The following GPC5 variants were observed in gnomAD, a reference collection of about 807,000 sequenced individuals.
GPC5 encodes the protein glypican-5.
In GPC5, 47 loss-of-function variants were observed where a neutral mutation model predicts 53.9. The ratio of observed to expected loss-of-function variants is 0.87; its 90% CI spans 0.69 to 1.11. The LOEUF is 1.11. Among genes scored for constraint, GPC5 ranks in the 50% most tolerant of loss-of-function variants. The pLI, the probability that GPC5 is intolerant of heterozygous loss-of-function variation, is 0.00. For synonymous variants in GPC5, 286 were observed against 263.3 expected, an observed-to-expected ratio of 1.09 and a Z score of -0.84; for missense variants, 748 against 713.1, an observed-to-expected ratio of 1.05 and a Z score of -0.56.
intron 2 of GPC5, among the ~76,000 whole-genome samples, chr13:91,539,474 G>A (rs116337925): frequency 0.023 from 3,518 of 152,256 alleles, 121 homozygotes; most frequent in African/African-American, 0.078. Flanking sequence ...TACCTCAGTA[G>A]CTGTAGGCCT....
chr13:91,837,866 G>T lies in GPC5; in HGVS notation c.1281-70071G>T, dbSNP rs2038739622. 2.0e-5 allele frequency among the ~76,000 whole-genome samples: 3 copies of T among 152,112 alleles called. No individual in the cohort carries two copies. The South Asian group carries it at 6.2e-4, about 31-fold the overall frequency. ...GAGAGGTAAAGCCATGAATTTGGATGTCATGGTGATTGGTAAAAAATGACA... is the reference window on the plus strand; with the variant it reads ...GAGAGGTAAAGCCATGAATTTGGATTTCATGGTGATTGGTAAAAAATGACA... On this transcript the variant is annotated intron_variant, in intron 5 of 7. Transcript: ENST00000377067.
At chr13:91,825,820 A>C (rs770138517) in intron 5 of GPC5, among the ~76,000 whole-genome samples, 3 of 152,078 alleles carry the variant, frequency 2.0e-5, no homozygotes, top group Non-Finnish European at 2.9e-5. Context: ...AGAGGAATTT[A>C]ATAAAGGAGG....
intron 7 of GPC5, among the ~76,000 whole-genome samples, chr13:92,518,877 G>A (rs546740347): frequency 5.3e-5 from 8 of 152,224 alleles, no homozygotes; most frequent in African/African-American, 1.9e-4. Flanking sequence ...CTGTATTCAG[G>A]AGACCCATCT....
chr13:92,487,409 A>G (rs544139704), intron 7 of GPC5, among the ~76,000 whole-genome samples: 78 of 152,252 alleles, frequency 5.1e-4, no homozygotes, highest in African/African-American at 1.8e-3. Context: ...TGCTGTTCTT[A>G]GTTGTGTCTA....
intron 7 of GPC5, among the ~76,000 whole-genome samples, chr13:92,838,640 C>T (rs985276906): frequency 2.6e-5 from 4 of 151,816 alleles, no homozygotes; most frequent in Admixed American, 2.6e-4. Context: ...CTAAATGGAC[C>T]CACAGATGAT....
chr13:92,027,758 T>C (rs914316365), intron 6 of GPC5, among the ~76,000 whole-genome samples: 1 of 152,102 alleles, frequency 6.6e-6, no homozygotes, highest in African/African-American at 2.4e-5. Context: ...CTTAACAACA[T>C]AATAGATGAA....
At chr13:92,022,914 T>G (rs1316129242) in intron 6 of GPC5, among the ~76,000 whole-genome samples, 1 of 152,036 alleles carries the variant, frequency 6.6e-6, no homozygotes, top group Admixed American at 6.6e-5. Flanking sequence ...AGAGGAATGC[T>G]CTGTTTCAAT....
chr13:91,674,470 TACAC>T (rs1303361295), intron 2 of GPC5, among the ~76,000 whole-genome samples: 2 of 149,928 alleles, frequency 1.3e-5, no homozygotes, highest in Admixed American at 1.3e-4. Flanking sequence ...CACGCACATA[TACAC>T]ACACACGCGC....
intron 5 of GPC5, among the ~76,000 whole-genome samples, chr13:91,786,352 C>T (rs537671707): frequency 1.3e-5 from 2 of 152,272 alleles, no homozygotes; most frequent in South Asian, 4.1e-4. Flanking sequence ...CTAACAAGTC[C>T]TGCATTACTT....
chr13:92,200,704 C>G (rs1393877674), intron 7 of GPC5, among the ~76,000 whole-genome samples: 1 of 152,172 alleles, frequency 6.6e-6, no homozygotes, highest in East Asian at 1.9e-4. Context: ...GAGTTTCCAA[C>G]TGGATTCGAT....
chr13:92,589,121 C>T (rs1222307169), intron 7 of GPC5, among the ~76,000 whole-genome samples: 2 of 152,172 alleles, frequency 1.3e-5, no homozygotes, highest in African/African-American at 4.8e-5. Context: ...CTTTGGTTAC[C>T]AAATGCGTTC....
chr13:92,822,121 C>A (rs898658693), intron 7 of GPC5, among the ~76,000 whole-genome samples: 5 of 151,898 alleles, frequency 3.3e-5, no homozygotes, highest in Admixed American at 3.3e-4. Context: ...ATATTAATTA[C>A]CTCAAATAAT....
intron 1 of GPC5, among the ~76,000 whole-genome samples, chr13:91,431,118 A>T (rs943227953): frequency 1.3e-5 from 2 of 152,160 alleles, no homozygotes; most frequent in African/African-American, 4.8e-5. Flanking sequence ...GGCTCAAGCA[A>T]TCCTCTTGCC....
intron 2 of GPC5, among the ~76,000 whole-genome samples, chr13:91,660,636 C>A (rs1368929218): frequency 6.6e-6 from 1 of 152,182 alleles, no homozygotes; most frequent in Non-Finnish European, 1.5e-5. Context: ...CAATAGTTAA[C>A]TAATACAGAT....
At chr13:92,314,211 C>T (rs1422231039) in intron 7 of GPC5, among the ~76,000 whole-genome samples, 1 of 152,136 alleles carries the variant, frequency 6.6e-6, no homozygotes, top group Non-Finnish European at 1.5e-5. Context: ...TGCTAGGTAT[C>T]TTGTACCTTT....
chr13:92,008,026 A>G (rs1396537451), intron 6 of GPC5, among the ~76,000 whole-genome samples: 4 of 151,136 alleles, frequency 2.6e-5, no homozygotes, highest in Non-Finnish European at 4.4e-5. Flanking sequence ...GGAACAGTAC[A>G]TGACTTATCA....
intron 6 of GPC5, among the ~76,000 whole-genome samples, chr13:92,050,461 G>C (rs987678865): frequency 6.6e-6 from 1 of 152,088 alleles, no homozygotes; most frequent in Admixed American, 6.6e-5. Context: ...ATTTTGATAA[G>C]AGGCAACAGG....
chr13:92,648,969 C>A (rs1885861350), intron 7 of GPC5, among the ~76,000 whole-genome samples: 1 of 152,046 alleles, frequency 6.6e-6, no homozygotes, highest in Admixed American at 6.6e-5. Flanking sequence ...GTATAATAAC[C>A]AGCTAGAACC....
At chr13:91,896,131 T>C (rs1434513163) in intron 5 of GPC5, among the ~76,000 whole-genome samples, 1 of 150,152 alleles carries the variant, frequency 6.7e-6, no homozygotes, top group African/African-American at 2.5e-5. Flanking sequence ...TTTTTTTTTT[T>C]TTTTTTGAGG....
Sources: allele counts gnomAD v4.1 joint callset (sites outside exome capture counted in the v4.1 genomes callset), GRCh38; gene constraint gnomAD v4.1.1; transcripts MANE v1.5; gene names NCBI Gene and HGNC (gene_info 2026-07-23, HGNC 2026-07-21).